ATF3: variants seen among roughly 807,000 people sequenced by gnomAD.
ATF3 encodes activating transcription factor 3, also known as cyclic AMP-dependent transcription factor ATF-3.
Under a neutral mutation model 18.4 loss-of-function variants are expected in ATF3, and 10 were observed. That is an observed-to-expected ratio of 0.54 (90% CI 0.34 to 0.92). The LOEUF (loss-of-function observed/expected upper bound fraction) is 0.92, where lower values mean the gene tolerates loss of function less well. ATF3 is among the 40% of genes least tolerant of loss of function. ATF3 has a pLI of 0.02. For synonymous variants in ATF3, 78 were observed against 87.9 expected, an observed-to-expected ratio of 0.89 and a Z score of 0.63; for missense variants, 183 against 222.3, an observed-to-expected ratio of 0.82 and a Z score of 1.12.
At position 212,578,356 on chromosome 1, in the gene ATF3, A is replaced by G. The variant is rs138315192; in HGVS notation, c.-5+12873A>G. Among the ~76,000 whole-genome samples, 553 of 152,208 alleles carry G rather than the reference A, an allele frequency of 3.6e-3. 5 individuals carry two copies. The highest frequency in any genetic ancestry group is 0.013 in the African/African-American group (519 of 41,510). Reference sequence around the variant, plus strand: ...ATCCCTTTGTAGATAAATTCATTTAACTCTTTAATCTTTTTTAACTGACAG... The same window carrying G: ...ATCCCTTTGTAGATAAATTCATTTAGCTCTTTAATCTTTTTTAACTGACAG... On this transcript the variant is annotated intron_variant, in intron 1 of 3. Coordinates refer to the ATF3 transcript ENST00000366981.
At chr1:212,566,577 G>A (rs1664386640) in intron 1 of ATF3, among the ~76,000 whole-genome samples, 3 of 152,114 alleles carry the variant, frequency 2.0e-5, no homozygotes, top group Admixed American at 2.0e-4. Flanking sequence ...TGTGACCAGG[G>A]CATAGAGGGG....
At chr1:212,613,356 T>C (rs1409325551) in intron 1 of ATF3, 2 of 152,262 alleles carry the variant, frequency 1.3e-5, no homozygotes, top group Non-Finnish European at 2.9e-5. Context: ...AATGCTTGTT[T>C]GTTTTTGTAA....
At chr1:212,572,236 G>A (rs1232454197) in intron 1 of ATF3, among the ~76,000 whole-genome samples, 1 of 152,050 alleles carries the variant, frequency 6.6e-6, no homozygotes, top group Admixed American at 6.5e-5. Context: ...TTTCTTTGTT[G>A]CCGGGCGTGG....
At chr1:212,604,194 A>G (rs1391058719), upstream of ATF3, among the ~76,000 whole-genome samples, 2 of 152,152 alleles carry the variant, frequency 1.3e-5, no homozygotes, top group Non-Finnish European at 1.5e-5. Context: ...CGTTTTATAG[A>G]CTGGGAAACT....
At chr1:212,597,484 A>G (rs1654330934) in intron 1 of ATF3, among the ~76,000 whole-genome samples, 1 of 151,488 alleles carries the variant, frequency 6.6e-6, no homozygotes, top group South Asian at 2.1e-4. Flanking sequence ...CTATCCATCC[A>G]TTCATCTATC....
chr1:212,590,276 T>G (rs1414471173), intron 1 of ATF3, among the ~76,000 whole-genome samples: 1 of 151,672 alleles, frequency 6.6e-6, no homozygotes, highest in African/African-American at 2.4e-5. Context: ...ATGGGAAAAA[T>G]TTGAGACACA....
At chr1:212,576,597 C>A (rs1322734300) in intron 1 of ATF3, among the ~76,000 whole-genome samples, 1 of 151,612 alleles carries the variant, frequency 6.6e-6, no homozygotes, top group Non-Finnish European at 1.5e-5. Context: ...GTCCTTTTGA[C>A]CACAGCAAGG....
At chr1:212,604,128 C>T (rs939758231), upstream of ATF3, among the ~76,000 whole-genome samples, 1 of 152,192 alleles carries the variant, frequency 6.6e-6, no homozygotes, top group African/African-American at 2.4e-5. Flanking sequence ...ACTTTCACAT[C>T]TACTATCTCA....
At chr1:212,593,056 T>TAGC (rs1664919507) in intron 1 of ATF3, among the ~76,000 whole-genome samples, 1 of 149,906 alleles carries the variant, frequency 6.7e-6, no homozygotes, top group African/African-American at 2.5e-5. Context: ...CCAACAGTGA[T>TAGC]AGACTGGATT....
intron 1 of ATF3, among the ~76,000 whole-genome samples, chr1:212,577,881 T>C (rs1233383001): frequency 6.6e-6 from 1 of 152,252 alleles, no homozygotes; most frequent in East Asian, 1.9e-4. Flanking sequence ...AATGCTGCAA[T>C]GAACCTGAAG....
chr1:212,619,179 G>A lies in ATF3; in HGVS notation c.349-179G>A. 2 of 1,612,968 alleles carry A rather than the reference G, an allele frequency of 1.2e-6. No individual in the cohort carries two copies. The highest frequency in any genetic ancestry group is 1.7e-5 in the Admixed American group (1 of 59,940). On this transcript the variant is annotated intron_variant, in intron 3 of 3. Coordinates refer to ENST00000341491, the MANE Select transcript of ATF3 (RefSeq NM_001674.4). The surrounding 1 kb of genome is among the most constrained non-coding windows in gnomAD (Gnocchi z 4.4). ...GTGGCATCACCAGGGTTTCTCTGAA[G>A]AAGAGGGTCTGCATTTTCCTAAACC...
chr1:212,604,846 C>A (rs192045057), upstream of ATF3, among the ~76,000 whole-genome samples: 45 of 152,310 alleles, frequency 3.0e-4, no homozygotes, highest in African/African-American at 1.1e-3. Flanking sequence ...AAATCCCCTG[C>A]TCCTAGCCCA....
rs758577026 is a variant in ATF3 at position 212,615,050 on chromosome 1, C to T, written c.29C>T (p.Ser10Phe). MMLQHPGQV[S>F]ASEVSASAIV... ...ATGCTTCAACACCCAGGCCAGGTCT[C>T]TGCCTCGGAAGTGAGTGCTTCTGCC... The change falls in exon 2 of 4, where the codon TCT becomes TTT. Residue 10 changes from serine (S) to phenylalanine (F), a missense_variant. By Grantham distance (155) the Ser-to-Phe change is radical. Coordinates refer to ENST00000341491, the MANE Select transcript of ATF3 (RefSeq NM_001674.4). 4.0e-5 allele frequency: 65 copies of T among 1,614,076 alleles called. No individual in the cohort carries two copies. In the South Asian group the frequency reaches 7.0e-4, roughly 17 times the overall value.
chr1:212,617,997 A>T, intron 2 of ATF3, 130 bp from the exon 3 acceptor site: 1 of 788,124 alleles, frequency 1.3e-6, no homozygotes, highest in Non-Finnish European at 2.1e-6. Context: ...CTAGAGCTTT[A>T]GTATTTCGGG....
chr1:212,602,512 C>G (rs769681410), intron 1 of ATF3, among the ~76,000 whole-genome samples: 10 of 152,098 alleles, frequency 6.6e-5, no homozygotes, highest in Non-Finnish European at 1.2e-4. Flanking sequence ...TGAGCACTTG[C>G]CAGGAGGTGG....
upstream of ATF3, among the ~76,000 whole-genome samples, chr1:212,605,488 G>T (rs2102644415): frequency 6.6e-6 from 1 of 152,356 alleles, no homozygotes; most frequent in Middle Eastern, 3.4e-3. Flanking sequence ...TTCTCTGGCA[G>T]ATCTTATCTT....
chr1:212,569,801 A>G (rs1284795424), intron 1 of ATF3, among the ~76,000 whole-genome samples: 3 of 152,208 alleles, frequency 2.0e-5, no homozygotes, highest in Admixed American at 2.0e-4. Flanking sequence ...TATTGTAAAT[A>G]GTACTGTAAT....
Position 212,619,809 on chromosome 1 carries a change from T to C in ATF3, c.*254T>C, listed in dbSNP as rs1215385140. ...CCTTAACACACTGGCCATTCTTATG[T>C]TCCAGATGGCCCCCAGCTGGTGTCC... On this transcript the variant is annotated 3_prime_UTR_variant, in exon 4 of 4. Transcript: ENST00000341491. The surrounding 1 kb of genome is among the most constrained non-coding windows in gnomAD (Gnocchi z 4.4). 2 of 411,202 alleles carry C rather than the reference T, an allele frequency of 4.9e-6. No individual in the cohort carries two copies. Among genetic ancestry groups the C allele is most frequent in the Non-Finnish European group, 9.1e-6 (2 of 220,350 alleles). 25.5% of individuals were successfully genotyped at this position (411,202 alleles called of 1,614,324 possible). A position where few individuals can be genotyped will look rare whatever the true frequency, so the allele number is the denominator to read the frequency against.
intron 1 of ATF3, among the ~76,000 whole-genome samples, chr1:212,577,377 T>C (rs2102624421): frequency 6.6e-6 from 1 of 152,326 alleles, no homozygotes; most frequent in Middle Eastern, 3.4e-3. Flanking sequence ...AATTAACGTG[T>C]ACATTACCTC....
Sources: allele counts gnomAD v4.1 joint callset (sites outside exome capture counted in the v4.1 genomes callset), GRCh38; gene constraint gnomAD v4.1.1; non-coding constraint Gnocchi (gnomAD v3.1); transcripts MANE v1.5; gene names NCBI Gene and HGNC (gene_info 2026-07-23, HGNC 2026-07-21).